The following TAFA2 variants were observed in gnomAD, a reference collection of about 807,000 sequenced individuals.
TAFA2 encodes chemokine-like protein TAFA-2.
In TAFA2, 7 loss-of-function variants were observed where a neutral mutation model predicts 18.8. The ratio of observed to expected loss-of-function variants is 0.37; its 90% CI spans 0.21 to 0.70. TAFA2 has a LOEUF of 0.70. Among genes scored for constraint, TAFA2 ranks in the 30% least tolerant of loss-of-function variants. TAFA2 has a pLI of 0.53. For synonymous variants in TAFA2, 60 were observed against 54.2 expected (o/e 1.11, Z -0.47); for missense variants, 122 against 158.1 (o/e 0.77, Z 1.23).
At chr12:62,160,823 G>A (rs2062401916) in intron 1 of TAFA2, among the ~76,000 whole-genome samples, 1 of 152,168 alleles carries the variant, frequency 6.6e-6, no homozygotes, top group African/African-American at 2.4e-5. Context: ...AGGTGGGTAT[G>A]TGTGTGAGTT....
intron 1 of TAFA2, among the ~76,000 whole-genome samples, chr12:61,962,319 C>T (rs1213249653): frequency 2.6e-5 from 4 of 151,960 alleles, no homozygotes. Context: ...GGCTGGTTCC[C>T]ATCATCTTTT....
intron 1 of TAFA2, chr12:62,021,474 C>CTTT (rs34094332): frequency 2.6e-4 from 110 of 419,028 alleles, no homozygotes; most frequent in East Asian, 4.5e-4. Flanking sequence ...CTGCATCATT[C>CTTT]TTTTTTTTTT....
intron 1 of TAFA2, among the ~76,000 whole-genome samples, chr12:62,114,041 A>C (rs1054277173): frequency 2.0e-5 from 3 of 152,138 alleles, no homozygotes; most frequent in African/African-American, 7.2e-5. Context: ...CAGGGTGTGA[A>C]AAAAAACCTC....
In TAFA2 at chr12:61,839,267, G is replaced by C. The variant is rs114165067; in HGVS notation, c.106+28053C>G. Among the ~76,000 whole-genome samples, 649 of 152,198 alleles carry C rather than the reference G, an allele frequency of 4.3e-3. 2 individuals are homozygous for C. Among genetic ancestry groups the C allele is most frequent in the African/African-American group, 0.014 (598 of 41,552 alleles). On this transcript the variant is annotated intron_variant, in intron 2 of 4. Coordinates refer to ENST00000416284, the MANE Select transcript of TAFA2 (RefSeq NM_178539.5). The stretch of plus-strand genomic sequence containing the variant: ...AGAAGGAATATCCAACCCAGTCTCA[G>C]GCTATTAGGAAGGCTATTTCTCTAG...
At chr12:61,815,113 A>G (rs140924105) in intron 2 of TAFA2, among the ~76,000 whole-genome samples, 1 of 151,606 alleles carries the variant, frequency 6.6e-6, no homozygotes, top group East Asian at 1.9e-4. Flanking sequence ...ATATGTTACT[A>G]TTTCATGGAG....
chr12:62,219,504 C>G (rs944760797), intron 1 of TAFA2, among the ~76,000 whole-genome samples: 1 of 151,986 alleles, frequency 6.6e-6, no homozygotes, highest in Non-Finnish European at 1.5e-5. Context: ...TGAAGTTATT[C>G]GATAATAATC....
At chr12:61,880,247 G>C (rs1017283549) in intron 1 of TAFA2, 1 of 479,808 alleles carries the variant, frequency 2.1e-6, no homozygotes, top group East Asian at 5.7e-5. Flanking sequence ...TGACATCTCC[G>C]AGATGAACCA....
At chr12:61,921,142 G>A (rs746481251) in intron 1 of TAFA2, among the ~76,000 whole-genome samples, 3 of 152,204 alleles carry the variant, frequency 2.0e-5, no homozygotes, top group Admixed American at 6.5e-5. Flanking sequence ...GACTCTGAAT[G>A]GCAAAGAGAA....
At chr12:61,940,708 A>G (rs1877966852) in intron 1 of TAFA2, among the ~76,000 whole-genome samples, 1 of 152,176 alleles carries the variant, frequency 6.6e-6, no homozygotes, top group African/African-American at 2.4e-5. Context: ...GAAGCTAGCA[A>G]TGGGCATGCT....
intron 1 of TAFA2, among the ~76,000 whole-genome samples, chr12:62,119,323 A>G (rs1870096090): frequency 1.3e-5 from 2 of 151,528 alleles, no homozygotes; most frequent in Non-Finnish European, 2.9e-5. Context: ...GAGGTTACCA[A>G]TACTATCAAA....
chr12:61,951,752 C>T (rs1396023655), intron 1 of TAFA2, among the ~76,000 whole-genome samples: 2 of 152,044 alleles, frequency 1.3e-5, no homozygotes, highest in Non-Finnish European at 2.9e-5. Context: ...GAAACCAGTA[C>T]ACAAAGCTAA....
intron 1 of TAFA2, among the ~76,000 whole-genome samples, chr12:62,190,110 T>A (rs1159429224): frequency 1.3e-5 from 2 of 151,988 alleles, no homozygotes; most frequent in African/African-American, 4.8e-5. Flanking sequence ...GCAGCAAAGG[T>A]GAAGAGAGAC....
intron 1 of TAFA2, among the ~76,000 whole-genome samples, chr12:62,178,018 A>G (rs1390725712): frequency 6.6e-6 from 1 of 152,186 alleles, no homozygotes; most frequent in African/African-American, 2.4e-5. Flanking sequence ...AAGAGACCAC[A>G]GTTAGGCACG....
intron 1 of TAFA2, among the ~76,000 whole-genome samples, chr12:61,887,895 A>G (rs1010678383): frequency 2.0e-5 from 3 of 152,110 alleles, no homozygotes; most frequent in Non-Finnish European, 2.9e-5. Flanking sequence ...CAATAAACAT[A>G]CGTGTGCATG....
intron 1 of TAFA2, among the ~76,000 whole-genome samples, chr12:62,054,148 C>CA (rs1882126685): frequency 6.6e-6 from 1 of 152,108 alleles, no homozygotes; most frequent in African/African-American, 2.4e-5. Flanking sequence ...GATACTAAAG[C>CA]AATGTTTTGT....
chr12:62,235,327 T>C, intron 1 of TAFA2: 2 of 665,286 alleles, frequency 3.0e-6, no homozygotes, highest in Non-Finnish European at 2.8e-6. Context: ...ATCTCTGTCC[T>C]GTGAGGAAAG....
At chr12:62,227,702 C>T (rs948247710) in intron 1 of TAFA2, among the ~76,000 whole-genome samples, 1 of 152,178 alleles carries the variant, frequency 6.6e-6, no homozygotes, top group Non-Finnish European at 1.5e-5. Context: ...TTGCCCAGAC[C>T]AATGTCCTGA....
intron 1 of TAFA2, chr12:62,258,543 T>A (rs183249284): frequency 6.4e-6 from 1 of 155,446 alleles, no homozygotes; most frequent in African/African-American, 2.4e-5. Flanking sequence ...TTTCAATAGC[T>A]TTATTGAGGT....
rs982354118 is a variant in TAFA2, at chr12:62,218,536, T to C, written c.-130+40227A>G. ...CTAAATATCCTAACCCAACCCGTAC[T>C]GTGTTTGCCTCCTGTGAAAATTCTG... On this transcript the variant is annotated intron_variant, in intron 1 of 5. Transcript: ENST00000551619. 5.3e-5 allele frequency among the ~76,000 whole-genome samples: 8 copies of C among 152,356 alleles called. No homozygotes were observed. The East Asian group carries it at 1.5e-3, about 29-fold the overall frequency.
Sources: gnomAD v4.1 joint callset for allele counts (sites outside exome capture counted in the v4.1 genomes callset) on GRCh38, gnomAD v4.1.1 for gene constraint, MANE v1.5 for transcripts, NCBI Gene and HGNC (gene_info 2026-07-23, HGNC 2026-07-21) for gene names.